PGM1: variants seen among roughly 807,000 people sequenced by gnomAD.
PGM1 encodes phosphoglucomutase-1.
In PGM1, 52 loss-of-function variants were observed where a neutral mutation model predicts 55.6. The ratio of observed to expected loss-of-function variants is 0.94; its 90% CI spans 0.75 to 1.18. The LOEUF (loss-of-function observed/expected upper bound fraction) is 1.18, where lower values mean the gene tolerates loss of function less well. PGM1 is among the 50% of genes most tolerant of loss of function. The pLI, the probability that PGM1 is intolerant of heterozygous loss-of-function variation, is 0.00. For missense variants in PGM1, 724 were observed against 729.3 expected (o/e 0.99, Z 0.08); for synonymous variants, 287 against 271.7 (o/e 1.06, Z -0.55).
intron 1 of PGM1, among the ~76,000 whole-genome samples, chr1:63,621,973 G>C (rs1368428364): frequency 6.6e-6 from 1 of 152,124 alleles, no homozygotes; most frequent in Non-Finnish European, 1.5e-5. Context: ...TACTTGACAA[G>C]TTAGTATAAA....
chr1:63,629,878 T>C, intron 2 of PGM1, 64 bp from the exon 3 acceptor site: 4 of 1,582,450 alleles, frequency 2.5e-6, no homozygotes, highest in Non-Finnish European at 3.5e-6. Flanking sequence ...TGATGAGCTT[T>C]GGATTCTTTG....
At chr1:63,609,729 A>G (rs1342337850) in intron 1 of PGM1, among the ~76,000 whole-genome samples, 1 of 152,214 alleles carries the variant, frequency 6.6e-6, no homozygotes, top group Non-Finnish European at 1.5e-5. Flanking sequence ...TAAACGACCA[A>G]TAATGTACAA....
chr1:63,602,170 T>A (rs900626554), intron 1 of PGM1, among the ~76,000 whole-genome samples: 5 of 152,228 alleles, frequency 3.3e-5, no homozygotes, highest in Non-Finnish European at 7.3e-5. Context: ...GGGATTGTTA[T>A]AATATGCTGG....
intron 1 of PGM1, among the ~76,000 whole-genome samples, chr1:63,616,180 G>A (rs1033369975): frequency 3.3e-5 from 5 of 152,116 alleles, no homozygotes; most frequent in South Asian, 4.2e-4. Flanking sequence ...AATTCAAATT[G>A]TCTTGAGAAT....
chr1:63,627,382 A>G (rs550915745), intron 1 of PGM1, among the ~76,000 whole-genome samples: 1 of 152,218 alleles, frequency 6.6e-6, no homozygotes, highest in East Asian at 1.9e-4. Flanking sequence ...AGAGAGAATC[A>G]TGTGGGACAG....
At chr1:63,627,811 C>T (rs1359697747) in intron 1 of PGM1, among the ~76,000 whole-genome samples, 1 of 152,100 alleles carries the variant, frequency 6.6e-6, no homozygotes, top group Non-Finnish European at 1.5e-5. Context: ...TAAACCCCTC[C>T]TATGGACATT....
At chr1:63,652,993 A>G (rs1649848993) in intron 9 of PGM1, among the ~76,000 whole-genome samples, 1 of 152,160 alleles carries the variant, frequency 6.6e-6, no homozygotes, top group South Asian at 2.1e-4. Context: ...GCAGAGTGGG[A>G]CAGAAGTTTG....
At chr1:63,631,971 C>G (rs939855401) in intron 4 of PGM1, among the ~76,000 whole-genome samples, 189 bp downstream of exon 4, 1 of 152,162 alleles carries the variant, frequency 6.6e-6, no homozygotes, top group South Asian at 2.1e-4. Context: ...ATAGTAGAGA[C>G]ACTCCTCGTG....
chr1:63,649,965 T>A (rs61534627), intron 8 of PGM1, among the ~76,000 whole-genome samples: 3,021 of 152,244 alleles, frequency 0.02, 115 homozygotes, highest in African/African-American at 0.069. Context: ...AATGAATGAG[T>A]TAACAGGTGA....
intron 1 of PGM1, among the ~76,000 whole-genome samples, chr1:63,600,976 A>G (rs1648227110): frequency 6.6e-6 from 1 of 152,154 alleles, no homozygotes; most frequent in Non-Finnish European, 1.5e-5. Flanking sequence ...GGGTAGGGAA[A>G]ACTTTTCATC....
At chr1:63,620,905 C>T (rs989012146) in intron 1 of PGM1, among the ~76,000 whole-genome samples, 2 of 152,186 alleles carry the variant, frequency 1.3e-5, no homozygotes, top group Non-Finnish European at 2.9e-5. Context: ...TCGACAGTAA[C>T]GTTTCTGAAG....
At chr1:63,599,482 G>C (rs1000290199) in intron 1 of PGM1, among the ~76,000 whole-genome samples, 1 of 143,146 alleles carries the variant, frequency 7.0e-6, no homozygotes, top group Non-Finnish European at 1.5e-5. Context: ...TTTTTAACAT[G>C]CTGTAACCCC....
At chr1:63,602,613 T>TC (rs371165311) in intron 1 of PGM1, among the ~76,000 whole-genome samples, 91,971 of 151,768 alleles carry the variant, frequency 0.61, 29,631 homozygotes, top group African/African-American at 0.82. Context: ...CACAAGTGAA[T>TC]TGAAATGTTG....
intron 9 of PGM1, among the ~76,000 whole-genome samples, chr1:63,652,364 G>A (rs1649833061): frequency 6.6e-6 from 1 of 152,174 alleles, no homozygotes; most frequent in Non-Finnish European, 1.5e-5. Context: ...ATCGTCATTC[G>A]CAGCACATGA....
At chr1:63,617,963 C>T (rs1648784819) in intron 1 of PGM1, among the ~76,000 whole-genome samples, 1 of 151,678 alleles carries the variant, frequency 6.6e-6, no homozygotes, top group Non-Finnish European at 1.5e-5. Context: ...TTTAAAATTC[C>T]TTGTCTAATA....
chr1:63,659,529 C>A, intron 10 of PGM1, 57 bp from the exon 11 acceptor site: 1 of 1,402,190 alleles, frequency 7.1e-7, no homozygotes, highest in Non-Finnish European at 1.0e-6. Context: ...GGGTTTGGAG[C>A]TAAGCATCTG....
Position 63,626,989 on chromosome 1 carries a change from T to C in PGM1, c.247-2436T>C, listed in dbSNP as rs1649034966. On this transcript the variant is annotated intron_variant, in intron 1 of 10. Transcript: ENST00000371084. ...AGCATTTGTCTTTTGTGACAAATGC[T>C]GTATGACAAATTTCACTTAGCATAA... is the stretch of plus-strand genomic sequence containing the variant. 2.0e-5 allele frequency among the ~76,000 whole-genome samples: 3 copies of C among 151,522 alleles called. No homozygotes were observed. The South Asian group carries it at 6.3e-4, about 32-fold the overall frequency.
At chr1:63,644,568 G>A (rs542289157) in intron 7 of PGM1, among the ~76,000 whole-genome samples, 1 of 152,268 alleles carries the variant, frequency 6.6e-6, no homozygotes, top group East Asian at 1.9e-4. Flanking sequence ...AATAAAGTCA[G>A]TGGAAAATGT....
chr1:63,629,463 C>T lies in PGM1; in HGVS notation c.285C>T (p.Ser95=). The change falls in exon 2 of 11, where the codon TCC becomes TCT. Residue 95 remains serine (S), a synonymous_variant. Coordinates refer to ENST00000371084, the MANE Select transcript of PGM1 (RefSeq NM_002633.3). The part of the protein sequence containing the change: ...RLVIGQNGIL[S]TPAVSCIIRK... ...TTATCGGACAGAATGGAATCCTCTCCACCCCTGCTGTATCCTGCATCATTA... is the reference window on the plus strand; with the variant it reads ...TTATCGGACAGAATGGAATCCTCTCTACCCCTGCTGTATCCTGCATCATTA... 6.2e-7 allele frequency: 1 copy of T among 1,613,704 alleles called. No individual in the cohort carries two copies. The highest frequency in any genetic ancestry group is 8.5e-7 in the Non-Finnish European group (1 of 1,179,650).
Sources: gnomAD v4.1 joint callset for allele counts (sites outside exome capture counted in the v4.1 genomes callset) on GRCh38, gnomAD v4.1.1 for gene constraint, MANE v1.5 for transcripts, NCBI Gene and HGNC (gene_info 2026-07-23, HGNC 2026-07-21) for gene names.